Variants in P2RY8 observed in about 807,000 individuals in gnomAD.
P2RY8 encodes the protein S-geranylgeranyl-glutathione receptor P2RY8.
In P2RY8, 6 loss-of-function variants were observed where a neutral mutation model predicts 10.0. The ratio of observed to expected loss-of-function variants is 0.60; its 90% CI spans 0.33 to 1.19. P2RY8 has a LOEUF of 1.19. P2RY8 is among the 50% of genes most tolerant of loss of function. The probability of loss-of-function intolerance (pLI) is 0.04; values close to 1 mark genes in which losing one functional copy is unlikely to be tolerated. For missense variants in P2RY8, 456 were observed against 542.0 expected, an observed-to-expected ratio of 0.84 and a Z score of 1.58; for synonymous variants, 276 against 252.5, an observed-to-expected ratio of 1.09 and a Z score of -0.88.
intron 1 of P2RY8, among the ~76,000 whole-genome samples, chrX:1,534,847 C>T (rs2092512890): frequency 6.6e-6 from 1 of 152,054 alleles, no homozygotes; most frequent in Non-Finnish European, 1.5e-5. Flanking sequence ...CTCAGAACTG[C>T]AGTGTGGGTA....
intron 1 of P2RY8, among the ~76,000 whole-genome samples, chrX:1,493,524 G>T (rs1371652971): frequency 6.6e-6 from 1 of 152,062 alleles, no homozygotes; most frequent in Non-Finnish European, 1.5e-5. Flanking sequence ...AGTGGCTGCT[G>T]CTTCCTCCTC....
intron 1 of P2RY8, among the ~76,000 whole-genome samples, chrX:1,499,430 G>A (rs2092153395): frequency 6.6e-6 from 1 of 152,044 alleles, no homozygotes; most frequent in African/African-American, 2.4e-5. Flanking sequence ...CCCCCAAAAT[G>A]CTGGGATTAC....
chrX:1,475,229 G>C lies in P2RY8; in HGVS notation c.-24-8647C>G, dbSNP rs190852719. On this transcript the variant is annotated intron_variant, in intron 1 of 1. Coordinates refer to ENST00000381297, the MANE Select transcript of P2RY8 (RefSeq NM_178129.5). ...TGTATGGATGGGTGGATGGATGGAT[G>C]AGTGGGTGGATGGGTAGGTGGATGG... Among the ~76,000 whole-genome samples the C allele has an allele frequency of 3.5e-3, 518 of 149,894 alleles. 2 individuals carry two copies. The highest frequency in any genetic ancestry group is 0.012 in the African/African-American group (503 of 40,762).
intron 1 of P2RY8, among the ~76,000 whole-genome samples, chrX:1,501,593 TTTA>T (rs1195631186): frequency 1.3e-5 from 2 of 151,530 alleles, no homozygotes; most frequent in Non-Finnish European, 2.9e-5. Flanking sequence ...ATTTTTATTT[TTTA>T]TTATTATTAT....
At position 1,466,206 on chromosome X, in the gene P2RY8, C is replaced by G. The variant is rs769340951; in HGVS notation, c.353G>C (p.Ser118Thr). 8.1e-6 allele frequency: 13 copies of G among 1,613,156 alleles called. No individual in the cohort carries two copies. Among genetic ancestry groups the G allele is most frequent in the African/African-American group, 1.3e-5 (1 of 74,912 alleles). The change falls in exon 2 of 2, where the codon AGC becomes ACC. Residue 118 changes from serine (S) to threonine (T), a missense_variant. By Grantham distance (58) the Ser-to-Thr change is moderately conservative. Coordinates refer to ENST00000381297, the MANE Select transcript of P2RY8 (RefSeq NM_178129.5). ...YSSILTMTCI[S>T]VERFLGVLYP... Reference sequence around the variant, plus strand: ...CAGGACCCCCAGGAAGCGCTCCACGCTGATACAGGTCATGGTGAGGATGCT... The same window carrying G: ...CAGGACCCCCAGGAAGCGCTCCACGGTGATACAGGTCATGGTGAGGATGCT...
At chrX:1,502,201 A>G (rs1275733611) in intron 1 of P2RY8, among the ~76,000 whole-genome samples, 1 of 152,174 alleles carries the variant, frequency 6.6e-6, no homozygotes, top group Non-Finnish European at 1.5e-5. Context: ...GTGAGCCACC[A>G]CGCCTGGCCT....
chrX:1,494,568 C>T (rs1329924682), intron 1 of P2RY8, among the ~76,000 whole-genome samples: 1 of 151,826 alleles, frequency 6.6e-6, no homozygotes, highest in Non-Finnish European at 1.5e-5. Context: ...TCCATGTATG[C>T]GGGACCATTG....
chrX:1,535,457 G>A lies in P2RY8; in HGVS notation c.-25+1464C>T, dbSNP rs1480640515. On this transcript the variant is annotated intron_variant, in intron 1 of 1. Coordinates refer to ENST00000381297, the MANE Select transcript of P2RY8 (RefSeq NM_178129.5). ...CCCACCTCGGCCTCCCAAAGTGCTG[G>A]GATTACAGGCGTCTGTCACCGCCGT... Among the ~76,000 whole-genome samples, 3 of 151,672 alleles carry A rather than the reference G, an allele frequency of 2.0e-5. No homozygotes were observed. In the Admixed American group the frequency reaches 2.0e-4, roughly 10 times the overall value.
chrX:1,475,109 G>A (rs1472312261), intron 1 of P2RY8, among the ~76,000 whole-genome samples: 1 of 145,022 alleles, frequency 6.9e-6, no homozygotes, highest in African/African-American at 2.5e-5. Context: ...ATGGATAAGT[G>A]GGTGGGTGGG....
rs767267741 is a variant in P2RY8, at chrX:1,466,569, T to C, written c.-11A>G. On this transcript the variant is annotated 5_prime_UTR_variant, in exon 2 of 2. Transcript: ENST00000381297. ...GTTCGGGACCTGCATCCTGGAGGGG[T>C]CCTCGCCCGGGCTCTGCAAGGGAAG... 5 of 1,598,580 alleles carry C rather than the reference T, an allele frequency of 3.1e-6. No homozygotes were observed. Among genetic ancestry groups the C allele is most frequent in the Admixed American group, 1.7e-5 (1 of 59,668 alleles).
At chrX:1,509,597 A>G (rs1410675004) in intron 1 of P2RY8, among the ~76,000 whole-genome samples, 2 of 117,460 alleles carry the variant, frequency 1.7e-5, no homozygotes, top group African/African-American at 7.8e-5. Context: ...TGTATCTATC[A>G]TGTATCTATT....
At chrX:1,471,391 C>T (rs1349235702) in intron 1 of P2RY8, among the ~76,000 whole-genome samples, 1 of 139,452 alleles carries the variant, frequency 7.2e-6, no homozygotes, top group Non-Finnish European at 1.5e-5. Context: ...AACTCCTGAC[C>T]TCTGATGTAT....
chrX:1,534,767 A>G (rs761356054), intron 1 of P2RY8, among the ~76,000 whole-genome samples: 3 of 152,234 alleles, frequency 2.0e-5, no homozygotes, highest in Admixed American at 1.3e-4. Flanking sequence ...CGTATGCACC[A>G]CTGGCAACAG....
intron 1 of P2RY8, among the ~76,000 whole-genome samples, chrX:1,531,494 C>G (rs1346295112): frequency 6.6e-6 from 1 of 152,148 alleles, no homozygotes; most frequent in African/African-American, 2.4e-5. Context: ...TTAGCATGCT[C>G]AGCCCACCCC....
intron 1 of P2RY8, among the ~76,000 whole-genome samples, chrX:1,522,404 A>T (rs1310797274): frequency 6.6e-6 from 1 of 152,114 alleles, no homozygotes; most frequent in Non-Finnish European, 1.5e-5. Flanking sequence ...CACCTCCCAC[A>T]CACGTGTGTA....
At chrX:1,525,535 A>T (rs2092434184) in intron 1 of P2RY8, among the ~76,000 whole-genome samples, 1 of 152,132 alleles carries the variant, frequency 6.6e-6, no homozygotes, top group South Asian at 2.1e-4. Flanking sequence ...AGCCTCAGAA[A>T]CAGTATGCAT....
intron 1 of P2RY8, among the ~76,000 whole-genome samples, chrX:1,484,867 C>A (rs2091973155): frequency 6.6e-6 from 1 of 151,654 alleles, no homozygotes; most frequent in Non-Finnish European, 1.5e-5. Context: ...CCTGGTGTGT[C>A]CTCAAATAGT....
intron 1 of P2RY8, 138 bp from the exon 2 acceptor site, chrX:1,466,720 C>CTCCG (rs1157226320): frequency 2.3e-5 from 16 of 708,148 alleles, no homozygotes; most frequent in Non-Finnish European, 3.2e-5. Context: ...TCCTCCCTCC[C>CTCCG]TCCCTCCCTT....
chrX:1,504,297 C>G (rs1358726519), intron 1 of P2RY8, among the ~76,000 whole-genome samples: 2 of 141,756 alleles, frequency 1.4e-5, no homozygotes, highest in Non-Finnish European at 3.1e-5. Flanking sequence ...GCCTGGGCAA[C>G]AGACCAAGAC....
Sources: allele counts gnomAD v4.1 joint callset (sites outside exome capture counted in the v4.1 genomes callset), GRCh38; gene constraint gnomAD v4.1.1; transcripts MANE v1.5; gene names NCBI Gene and HGNC (gene_info 2026-07-23, HGNC 2026-07-21).